The following ARHGAP35 variants were observed in gnomAD, a reference collection of about 807,000 sequenced individuals.
ARHGAP35 encodes Rho GTPase activating protein 35, also known as rho GTPase-activating protein 35.
ARHGAP35 carries 15 observed loss-of-function variants against 111.1 expected under a neutral mutation model. The ratio of observed to expected loss-of-function variants is 0.13; its 90% CI spans 0.09 to 0.21. The LOEUF (loss-of-function observed/expected upper bound fraction) is 0.21, where lower values mean the gene tolerates loss of function less well. Among genes scored for constraint, ARHGAP35 ranks in the 10% least tolerant of loss-of-function variants. The pLI is 1.00. For synonymous variants in ARHGAP35, 643 were observed against 710.3 expected, an observed-to-expected ratio of 0.91 and a Z score of 1.51; for missense variants, 1,262 against 1,873.0, an observed-to-expected ratio of 0.67 and a Z score of 6.02.
chr19:46,871,682 T>G (rs963291214), intron 1 of ARHGAP35, among the ~76,000 whole-genome samples: 3 of 151,556 alleles, frequency 2.0e-5, no homozygotes, highest in Non-Finnish European at 4.4e-5. Context: ...GATCTACTTA[T>G]AAGAATCTAT....
rs1434723854 is a variant in ARHGAP35, at chr19:46,994,154, C to T, written c.4036+4479C>T. Among the ~76,000 whole-genome samples, 1 of 152,142 alleles carries T rather than the reference C, an allele frequency of 6.6e-6. No individual in the cohort carries two copies. Among genetic ancestry groups the T allele is most frequent in the Non-Finnish European group, 1.5e-5 (1 of 68,024 alleles). ...CCTGGGCACCTGTACCATGGCGGGT[C>T]CGGGTTGCAGCAGCTCACCCAGGGC... On this transcript the variant is annotated intron_variant, in intron 5 of 6. Coordinates refer to ENST00000672722, the MANE Select transcript of ARHGAP35 (RefSeq NM_004491.5). The surrounding 1 kb of genome is among the most constrained non-coding windows in gnomAD (Gnocchi z 5.4).
chr19:46,977,543 G>A (rs2056586116), intron 3 of ARHGAP35, among the ~76,000 whole-genome samples: 1 of 152,118 alleles, frequency 6.6e-6, no homozygotes, highest in Admixed American at 6.5e-5. Context: ...TGCCTTCCCT[G>A]GTACTAGTTA....
Position 47,001,260 on chromosome 19 carries a change from A to G in ARHGAP35, c.*572A>G, listed in dbSNP as rs1230202538. 7.8e-7 allele frequency: 1 copy of G among 1,289,696 alleles called. No homozygotes were observed. The highest frequency in any genetic ancestry group is 2.3e-5 in the Admixed American group (1 of 43,432). 79.9% of individuals were successfully genotyped at this position (1,289,696 alleles called of 1,614,324 possible). On this transcript the variant is annotated 3_prime_UTR_variant, in exon 7 of 7. Transcript: ENST00000672722. The surrounding 1 kb of genome is among the most constrained non-coding windows in gnomAD (Gnocchi z 5.4). ...GAGGGCGCTGGCTCTGCAGATCAGA[A>G]CAACGGAGGATAGCTTTGTGCCTGG...
intron 1 of ARHGAP35, among the ~76,000 whole-genome samples, chr19:46,893,234 G>A (rs1417901359): frequency 6.6e-6 from 1 of 152,178 alleles, no homozygotes; most frequent in Non-Finnish European, 1.5e-5. Context: ...TTAGGAAGCA[G>A]GAGTGTGGGG....
At chr19:46,941,876 T>TAAAAAA (rs71179279) in intron 3 of ARHGAP35, among the ~76,000 whole-genome samples, 11 of 94,516 alleles carry the variant, frequency 1.2e-4, no homozygotes, top group South Asian at 4.4e-4. Context: ...CCTGTCTCTT[T>TAAAAAA]AAAAAAAAAA....
Position 46,994,921 on chromosome 19 carries a change from C to T in ARHGAP35, c.4037-4383C>T, listed in dbSNP as rs563979301. Among the ~76,000 whole-genome samples the T allele has an allele frequency of 6.6e-6, 1 of 152,178 alleles. No individual in the cohort carries two copies. Among genetic ancestry groups the T allele is most frequent in the Non-Finnish European group, 1.5e-5 (1 of 68,028 alleles). ...GAATGGGGCGCTGTCACCACACAAC[C>T]TCACCCATCCCCACGTGCTCAGCCC... On this transcript the variant is annotated intron_variant, in intron 5 of 6. Coordinates refer to ENST00000672722, the MANE Select transcript of ARHGAP35 (RefSeq NM_004491.5). The surrounding 1 kb of genome is among the most constrained non-coding windows in gnomAD (Gnocchi z 5.4).
In ARHGAP35 at chr19:46,919,943, T is replaced by G; in HGVS notation, c.1268T>G (p.Leu423Arg). Residue 423 changes from leucine (L) to arginine (R), a missense_variant, in exon 2 of 7, where the codon CTG becomes CGG. Around this residue, in one of 8 missense-constraint regions of ARHGAP35, gnomAD observed 328 missense variants for 440.8 expected, o/e 0.74. Coordinates refer to ENST00000672722, the MANE Select transcript of ARHGAP35 (RefSeq NM_004491.5). This position sits in a 1 kb window ranked among gnomAD's most constrained non-coding sequence, Gnocchi z 6.2. ...CTATACGAGGCCCACTTAGAGAAGC[T>G]GAGGAACGAAAGGAAAAGAGTTGAG... ...EQLYEAHLEK[L>R]RNERKRVEMR... The G allele has an allele frequency of 6.2e-7, 1 of 1,613,974 alleles. No individual in the cohort carries two copies. Among genetic ancestry groups the G allele is most frequent in the South Asian group, 1.1e-5 (1 of 91,076 alleles).
intron 3 of ARHGAP35, among the ~76,000 whole-genome samples, chr19:46,973,563 C>T (rs970299309): frequency 6.6e-6 from 1 of 151,798 alleles, no homozygotes; most frequent in Non-Finnish European, 1.5e-5. Context: ...GGTGGCGGGG[C>T]GCCTGTAGTC....
At chr19:46,995,318 T>C (rs1568490658) in intron 5 of ARHGAP35, among the ~76,000 whole-genome samples, 1 of 152,192 alleles carries the variant, frequency 6.6e-6, no homozygotes, top group Non-Finnish European at 1.5e-5. Flanking sequence ...GGAGAATTGC[T>C]TGAATCTGGG....
chr19:46,914,873 C>G (rs1486689104), intron 1 of ARHGAP35, among the ~76,000 whole-genome samples: 2 of 152,178 alleles, frequency 1.3e-5, no homozygotes, highest in Non-Finnish European at 2.9e-5. Context: ...ACAGTTGAGT[C>G]ACAGACAAGG....
chr19:46,920,118 A>G lies in ARHGAP35; in HGVS notation c.1443A>G (p.Gln481=). The change falls in exon 2 of 7, where the codon CAA becomes CAG. Residue 481 remains glutamine (Q), a synonymous_variant. Transcript: ENST00000672722. The surrounding 1 kb of genome is among the most constrained non-coding windows in gnomAD (Gnocchi z 7.0). Reference sequence around the variant, plus strand: ...ACATGGATATTTATGGCAAACACCAAAAGCAAATTATAGATAAAGCAAAGG... The same window carrying G: ...ACATGGATATTTATGGCAAACACCAGAAGCAAATTATAGATAAAGCAAAGG... ...SVYMDIYGKH[Q]KQIIDKAKEE... 6.2e-7 allele frequency: 1 copy of G among 1,614,022 alleles called. No homozygotes were observed. Among genetic ancestry groups the G allele is most frequent in the Non-Finnish European group, 8.5e-7 (1 of 1,179,898 alleles).
chr19:46,966,068 A>C (rs2056513523), intron 3 of ARHGAP35, among the ~76,000 whole-genome samples: 1 of 152,320 alleles, frequency 6.6e-6, no homozygotes, highest in African/African-American at 2.4e-5. Context: ...TCACTTGTAC[A>C]TCCAGCAGCC....
At chr19:46,951,574 C>T (rs1378117685) in intron 3 of ARHGAP35, among the ~76,000 whole-genome samples, 1 of 152,096 alleles carries the variant, frequency 6.6e-6, no homozygotes, top group Non-Finnish European at 1.5e-5. Flanking sequence ...GTTTCCTTGA[C>T]CATAAAATGG....
At chr19:46,870,787 A>G (rs924960767) in intron 1 of ARHGAP35, among the ~76,000 whole-genome samples, 1 of 152,148 alleles carries the variant, frequency 6.6e-6, no homozygotes, top group Non-Finnish European at 1.5e-5. Context: ...ATTTGATGTT[A>G]TGTATATACA....
At chr19:46,873,690 T>C (rs1485129392) in intron 1 of ARHGAP35, among the ~76,000 whole-genome samples, 1 of 150,622 alleles carries the variant, frequency 6.6e-6, no homozygotes, top group Non-Finnish European at 1.5e-5. Context: ...AAATTAGTGA[T>C]GTGTTCCCTT....
chr19:47,000,645 A>T lies in ARHGAP35; in HGVS notation c.4457A>T (p.Gln1486Leu). The stretch of plus-strand genomic sequence containing the variant: ...CCACCCACCCCCCAGTCCCCAATGC[A>T]GCCACTGCTTCCCTCCCAGCTTCAA... ...SPPPTPQSPM[Q>L]PLLPSQLQAE... Residue 1486 changes from glutamine to leucine, a missense_variant, in exon 7 of 7, where the codon CAG (glutamine) becomes CTG (leucine). By Grantham distance (113) the Gln-to-Leu change is moderately radical (BLOSUM62 -2). Transcript: ENST00000672722. The surrounding 1 kb of genome is among the most constrained non-coding windows in gnomAD (Gnocchi z 6.9). The T allele has an allele frequency of 6.3e-7, 1 of 1,599,530 alleles. No homozygotes were observed. The highest frequency in any genetic ancestry group is 8.5e-7 in the Non-Finnish European group (1 of 1,173,042).
rs1176821963 is a variant in ARHGAP35, at chr19:47,003,283, G to T, written c.*2595G>T. On this transcript the variant is annotated 3_prime_UTR_variant, in exon 7 of 7. Transcript: ENST00000672722. Reference sequence around the variant, plus strand: ...TGCTGCCCCCACTCCCGCTTTTGTTGGGGCTCTAAGTTCTGGAAGGTGTGT... The same window carrying T: ...TGCTGCCCCCACTCCCGCTTTTGTTTGGGCTCTAAGTTCTGGAAGGTGTGT... 6.6e-6 allele frequency: 1 copy of T among 152,338 alleles called. No homozygotes were observed. The highest frequency in any genetic ancestry group is 6.5e-5 in the Admixed American group (1 of 15,290). 9.4% of individuals were successfully genotyped at this position (152,338 alleles called of 1,614,324 possible).
At chr19:46,872,886 A>C (rs903567093) in intron 1 of ARHGAP35, among the ~76,000 whole-genome samples, 4 of 151,874 alleles carry the variant, frequency 2.6e-5, no homozygotes, top group African/African-American at 9.7e-5. Context: ...GTCTCAAAAA[A>C]AAAAAAAAAT....
rs187440429 is a variant in ARHGAP35, at chr19:46,866,333, G to A, written c.-189+5124G>A. ...ATTGGAACTCAGTGGGAAAATCAGC[G>A]CGTAGTCTAGCCTCCTCATTTACAG... On this transcript the variant is annotated intron_variant, in intron 1 of 6. Coordinates refer to ENST00000672722, the MANE Select transcript of ARHGAP35 (RefSeq NM_004491.5). 1.2e-3 allele frequency among the ~76,000 whole-genome samples: 189 copies of A among 152,296 alleles called. 1 individual carries two copies. The highest frequency in any genetic ancestry group is 3.9e-3 in the African/African-American group (161 of 41,566).
Sources: gnomAD v4.1 joint callset for allele counts (sites outside exome capture counted in the v4.1 genomes callset) on GRCh38, gnomAD v4.1.1 for gene constraint, gnomAD v4.1.1 regional missense constraint, Gnocchi (gnomAD v3.1) non-coding constraint, MANE v1.5 for transcripts, NCBI Gene and HGNC (gene_info 2026-07-23, HGNC 2026-07-21) for gene names.